Variants in GPX5 observed in about 807,000 individuals in gnomAD.
GPX5 encodes glutathione peroxidase 5, also known as epididymal secretory glutathione peroxidase.
In GPX5, 20 loss-of-function variants were observed where a neutral mutation model predicts 23.8. The observed-to-expected ratio is 0.84, with a 90% CI of 0.59 to 1.22. GPX5 has a LOEUF of 1.22. GPX5 is among the 50% of genes most tolerant of loss of function. GPX5 has a pLI of 0.00. For missense variants in GPX5, 230 were observed against 266.6 expected, an observed-to-expected ratio of 0.86 and a Z score of 0.96; for synonymous variants, 92 against 99.5, an observed-to-expected ratio of 0.92 and a Z score of 0.45.
At chr6:28,529,006 T>C (rs1299217942) in intron 1 of GPX5, among the ~76,000 whole-genome samples, 5 of 151,690 alleles carry the variant, frequency 3.3e-5, no homozygotes, top group Non-Finnish European at 7.4e-5. Context: ...CTTTTAGTTA[T>C]TTTAAAATGT....
At chr6:28,533,828 G>A (rs1247630211) in intron 4 of GPX5, 133 bp from the exon 5 acceptor site, 9 of 558,338 alleles carry the variant, frequency 1.6e-5, no homozygotes, top group African/African-American at 1.5e-4. Context: ...AAGAATTTAT[G>A]GAGTTTTTTA....
At chr6:28,526,327 G>C (rs1186770432) in intron 1 of GPX5, among the ~76,000 whole-genome samples, 1 of 152,144 alleles carries the variant, frequency 6.6e-6, no homozygotes, top group Admixed American at 6.5e-5. Flanking sequence ...AGGGAAGAAA[G>C]GGTCTCCATA....
rs764802592 is a variant in GPX5, at chr6:28,534,146, G to C, written c.645G>C (p.Leu215Phe). The change falls in exon 5 of 5, where the codon TTG becomes TTC. Residue 215 changes from leucine (L) to phenylalanine (F), a missense_variant. Leu to Phe is a conservative substitution (Grantham distance 22). Transcript: ENST00000412168. ...TCAAGACAGACATCCTGGCGTACTT[G>C]AAGCAATTCAAAACCAAATAGGAAG... is the stretch of plus-strand genomic sequence containing the variant. ...SSVKTDILAY[L>F]KQFKTK is the part of the protein sequence containing the mutation. 3 of 1,597,626 alleles carry C rather than the reference G, an allele frequency of 1.9e-6. No homozygotes were observed. In the Admixed American group the frequency reaches 5.2e-5, roughly 28 times the overall value.
chr6:28,532,512 C>T, intron 4 of GPX5, 92 bp downstream of exon 4: 3 of 824,836 alleles, frequency 3.6e-6, no homozygotes, highest in South Asian at 1.6e-5. Context: ...GGCTCATGCC[C>T]AGAGGTGGGA....
rs578146837 is a variant in GPX5 at position 28,531,778 on chromosome 6, A to T, written c.242A>T (p.Glu81Val). The change falls in exon 3 of 5, where the codon GAA becomes GTA. Residue 81 changes from glutamate (E) to valine (V), a missense_variant and splice_region_variant. Physicochemically the swap from Glu to Val is moderately radical, Grantham distance 121. Transcript: ENST00000412168. ...TYCGLTAQYP[E>V]LNALQEELKP... ...AAAATTGTTCCTCCTCTAACTGCAG[A>T]ACTAAATGCACTCCAGGAGGAGCTG... 16 of 1,601,362 alleles carry T rather than the reference A, an allele frequency of 1.0e-5. No individual in the cohort carries two copies. The African/African-American group carries it at 2.0e-4, about 20-fold the overall frequency.
rs865861025 is a variant in GPX5, at chr6:28,534,067, G to A, written c.566G>A (p.Gly189Glu). ...TGGAACTTTGAAAAGTTCCTGGTGG[G>A]GCCTGATGGAATCCCTGTCATGCGC... Reference protein sequence around the residue: ...IRWNFEKFLVGPDGIPVMRWS... With the variant: ...IRWNFEKFLVEPDGIPVMRWS... The change falls in exon 5 of 5, where the codon GGG becomes GAG. Residue 189 changes from glycine (G) to glutamate (E), a missense_variant. Gly to Glu is a moderately conservative substitution (Grantham distance 98). Transcript: ENST00000412168. 1 of 1,612,246 alleles carries A rather than the reference G, an allele frequency of 6.2e-7. No individual in the cohort carries two copies. Among genetic ancestry groups the A allele is most frequent in the South Asian group, 1.1e-5 (1 of 90,788 alleles).
intron 1 of GPX5, among the ~76,000 whole-genome samples, chr6:28,527,523 T>C (rs1763233804): frequency 6.6e-6 from 1 of 152,182 alleles, no homozygotes; most frequent in Admixed American, 6.5e-5. Flanking sequence ...TTTGTTTTGC[T>C]TTGTTTTGCA....
Position 28,532,378 on chromosome 6 carries a change from T to A in GPX5, c.417T>A (p.Asp139Glu), listed in dbSNP as rs565977318. The change falls in exon 4 of 5, where the codon GAT (aspartate) becomes GAA (glutamate). Residue 139 changes from aspartate to glutamate, a missense_variant. Asp to Glu is a conservative substitution (Grantham distance 45). Coordinates refer to ENST00000412168, the MANE Select transcript of GPX5 (RefSeq NM_001509.3). ...VPSFQLFEKG[D>E]VNGEKEQKVF... ...GTTTCCAGCTTTTTGAGAAAGGGGA[T>A]GTGAATGGTGAAAAAGAACAGAAAG... 2 of 1,594,702 alleles carry A rather than the reference T, an allele frequency of 1.3e-6. No individual in the cohort carries two copies.
At chr6:28,529,074 A>G (rs1763263618) in intron 1 of GPX5, among the ~76,000 whole-genome samples, 1 of 150,880 alleles carries the variant, frequency 6.6e-6, no homozygotes, top group Admixed American at 6.7e-5. Flanking sequence ...ACTAGGTCTT[A>G]TTTATTCTTT....
chr6:28,531,956 G>A, intron 3 of GPX5, 61 bp downstream of exon 3: 1 of 1,151,756 alleles, frequency 8.7e-7, no homozygotes, highest in Non-Finnish European at 1.3e-6. Context: ...GTCTCCAGAG[G>A]CCCTTCCAGC....
chr6:28,531,263 C>T (rs754271939), intron 2 of GPX5, among the ~76,000 whole-genome samples: 4 of 149,718 alleles, frequency 2.7e-5, no homozygotes, highest in Admixed American at 6.7e-5. Context: ...CCCAGCTACT[C>T]GGGAGTCTAA....
chr6:28,532,919 G>C (rs529244132), intron 4 of GPX5, among the ~76,000 whole-genome samples: 1 of 152,244 alleles, frequency 6.6e-6, no homozygotes, highest in South Asian at 2.1e-4. Context: ...AGGAGTTCAA[G>C]ACTAGCCTGA....
At chr6:28,531,919 T>C (rs1763331991) in intron 3 of GPX5, 24 bp downstream of exon 3, 3 of 1,511,800 alleles carry the variant, frequency 2.0e-6, no homozygotes, top group South Asian at 1.1e-5. Flanking sequence ...TGAAATCCAA[T>C]AGGAGGCGCC....
intron 2 of GPX5, 51 bp from the exon 3 acceptor site, chr6:28,531,727 C>A: frequency 8.3e-7 from 1 of 1,211,024 alleles, no homozygotes; most frequent in South Asian, 1.3e-5. Context: ...ATCATCCTTG[C>A]ACAAGGCAGA....
chr6:28,531,785 T>G lies in GPX5; in HGVS notation c.249T>G (p.Asn83Lys). 6.2e-7 allele frequency: 1 copy of G among 1,606,478 alleles called. No individual in the cohort carries two copies. Among genetic ancestry groups the G allele is most frequent in the Non-Finnish European group, 8.5e-7 (1 of 1,176,000 alleles). ...TTCCTCCTCTAACTGCAGAACTAAA[T>G]GCACTCCAGGAGGAGCTGAAGCCCT... ...CGLTAQYPELNALQEELKPYG... is the reference protein window; with the variant it reads ...CGLTAQYPELKALQEELKPYG... The change falls in exon 3 of 5, where the codon AAT becomes AAG. Residue 83 changes from asparagine to lysine, a missense_variant. Coordinates refer to ENST00000412168, the MANE Select transcript of GPX5 (RefSeq NM_001509.3).
chr6:28,530,997 C>A, intron 2 of GPX5, among the ~76,000 whole-genome samples: 1 of 152,150 alleles, frequency 6.6e-6, no homozygotes, highest in Non-Finnish European at 1.5e-5. Flanking sequence ...GCAGCTGAAG[C>A]TTGTTTTTCA....
Position 28,525,970 on chromosome 6 carries a change from C to A in GPX5, c.-44C>A. 3 of 1,426,778 alleles carry A rather than the reference C, an allele frequency of 2.1e-6. No individual in the cohort carries two copies. The highest frequency in any genetic ancestry group is 3.0e-6 in the Non-Finnish European group (3 of 1,010,944). The allele number at this position is 1,426,778 out of a possible 1,614,324, so 88.4% of individuals were successfully genotyped here. On this transcript the variant is annotated 5_prime_UTR_variant, in exon 1 of 5. Coordinates refer to ENST00000412168, the MANE Select transcript of GPX5 (RefSeq NM_001509.3). Reference sequence around the variant, plus strand: ...GATACCAAAAGACTGCAGAGGTGGGCAAAGACCTCAGGCCCCCAGACTAGC... The same window carrying A: ...GATACCAAAAGACTGCAGAGGTGGGAAAAGACCTCAGGCCCCCAGACTAGC...
chr6:28,529,434 T>TAA lies in GPX5; in HGVS notation c.88-10_88-9dup. On this transcript the variant is annotated splice_polypyrimidine_tract_variant and intron_variant, in intron 1 of 4. Transcript: ENST00000412168. ...AATTATTGTTACCAGTATTATCACTTAAAAAAAATCTTCCAGATGGATTGC... is the reference window on the plus strand; with the variant it reads ...AATTATTGTTACCAGTATTATCACTTAAAAAAAAAATCTTCCAGATGGATTGC... 1 of 1,592,944 alleles carries TAA rather than the reference T, an allele frequency of 6.3e-7. No homozygotes were observed. The highest frequency in any genetic ancestry group is 8.6e-7 in the Non-Finnish European group (1 of 1,167,598).
chr6:28,527,343 T>C (rs140597685), intron 1 of GPX5, among the ~76,000 whole-genome samples: 2 of 152,336 alleles, frequency 1.3e-5, no homozygotes, highest in Admixed American at 6.5e-5. Flanking sequence ...ATATTCTCTT[T>C]ATAGATCCCT....
Sources: gnomAD v4.1 joint callset for allele counts (sites outside exome capture counted in the v4.1 genomes callset) on GRCh38, gnomAD v4.1.1 for gene constraint, MANE v1.5 for transcripts, NCBI Gene and HGNC (gene_info 2026-07-23, HGNC 2026-07-21) for gene names.